Variants in DOCK9 observed in about 807,000 individuals in gnomAD.
The protein encoded by DOCK9 is dedicator of cytokinesis 9.
DOCK9 carries 89 observed loss-of-function variants against 263.3 expected under a neutral mutation model. That is an observed-to-expected ratio of 0.34 (90% CI 0.28 to 0.40). The LOEUF (loss-of-function observed/expected upper bound fraction) is 0.40. Ranked by LOEUF, DOCK9 falls within the 10% of genes least tolerant of loss-of-function variation. The pLI is 1.00. For synonymous variants in DOCK9, 976 were observed against 973.1 expected (o/e 1.00, Z -0.06); for missense variants, 2,140 against 2,603.4 (o/e 0.82, Z 3.87).
rs1171003270 is a variant in DOCK9, at chr13:98,831,645, T to C, written c.4452+4A>G. On this transcript the variant is annotated splice_donor_region_variant and intron_variant, in intron 40 of 52. Coordinates refer to ENST00000682017, the MANE Select transcript of DOCK9 (RefSeq NM_001366683.2). ...ATCTAACCACTGCCCATGAAGCAAC[T>C]TACCTTATAAATTAAGGACCTTAAG... 1 of 1,612,158 alleles carries C rather than the reference T, an allele frequency of 6.2e-7. No homozygotes were observed. The highest frequency in any genetic ancestry group is 1.3e-5 in the African/African-American group (1 of 74,820).
chr13:98,872,518 C>T (rs2094214524), intron 27 of DOCK9, among the ~76,000 whole-genome samples: 1 of 152,244 alleles, frequency 6.6e-6, no homozygotes, highest in South Asian at 2.1e-4. Flanking sequence ...GCAATCGTCT[C>T]ACCTCAGTCT....
At chr13:98,961,937 T>C (rs1192259939) in intron 1 of DOCK9, among the ~76,000 whole-genome samples, 2 of 152,208 alleles carry the variant, frequency 1.3e-5, no homozygotes, top group Non-Finnish European at 2.9e-5. Context: ...GTATGTAAGA[T>C]TAGTCATTGC....
chr13:98,900,562 T>G (rs1462582267), intron 13 of DOCK9, among the ~76,000 whole-genome samples: 2 of 152,202 alleles, frequency 1.3e-5, no homozygotes, highest in Non-Finnish European at 2.9e-5. Context: ...GGCTTTTACT[T>G]GACTGGGGCT....
intron 2 of DOCK9, among the ~76,000 whole-genome samples, chr13:98,934,092 G>A (rs1362312294): frequency 9.1e-5 from 13 of 143,308 alleles, no homozygotes; most frequent in South Asian, 6.2e-4. Flanking sequence ...AGATGGGGGC[G>A]GGGGGTCTCA....
chr13:99,076,360 T>C (rs1394181677), intron 1 of DOCK9, among the ~76,000 whole-genome samples: 2 of 152,334 alleles, frequency 1.3e-5, no homozygotes, highest in East Asian at 1.9e-4. Context: ...CTCTATGGAA[T>C]TGGTGAAAAC....
intron 23 of DOCK9, among the ~76,000 whole-genome samples, 195 bp from the exon 24 acceptor site, chr13:98,882,202 G>A (rs926505756): frequency 1.4e-4 from 21 of 152,112 alleles, no homozygotes; most frequent in African/African-American, 4.3e-4. Context: ...CCCAGGGGAG[G>A]TAAGGCTGCT....
At chr13:98,928,166 A>G (rs931219061) in intron 3 of DOCK9, among the ~76,000 whole-genome samples, 3 of 152,228 alleles carry the variant, frequency 2.0e-5, no homozygotes, top group Non-Finnish European at 2.9e-5. Context: ...CCCTCTGGGG[A>G]TGCAGAAAGT....
intron 1 of DOCK9, among the ~76,000 whole-genome samples, chr13:99,051,886 C>T (rs1005786374): frequency 3.0e-5 from 4 of 134,360 alleles, no homozygotes; most frequent in Non-Finnish European, 1.6e-5. Context: ...AATCAGAACT[C>T]ACAATCTGCT....
intron 32 of DOCK9, among the ~76,000 whole-genome samples, chr13:98,862,118 G>T (rs926017513): frequency 2.0e-5 from 3 of 152,078 alleles, no homozygotes; most frequent in Non-Finnish European, 4.4e-5. Flanking sequence ...GGTTCATCAC[G>T]AGAACATGGT....
At chr13:99,033,483 C>A (rs955858670) in intron 1 of DOCK9, among the ~76,000 whole-genome samples, 1 of 152,200 alleles carries the variant, frequency 6.6e-6, no homozygotes, top group Non-Finnish European at 1.5e-5. Context: ...GAACTAATGC[C>A]GTCAACAAAC....
At chr13:98,889,376 C>A (rs184874912) in intron 15 of DOCK9, among the ~76,000 whole-genome samples, 4 of 152,280 alleles carry the variant, frequency 2.6e-5, no homozygotes, top group South Asian at 4.1e-4. Flanking sequence ...CACCTGTTCT[C>A]CAAAAACCTA....
intron 1 of DOCK9, among the ~76,000 whole-genome samples, chr13:99,021,021 T>C (rs1166370383): frequency 2.0e-5 from 3 of 152,250 alleles, no homozygotes; most frequent in African/African-American, 7.2e-5. Context: ...AGTCCATATT[T>C]CATAAATCAA....
chr13:98,796,343 C>A, intron 52 of DOCK9: 3 of 757,568 alleles, frequency 4.0e-6, no homozygotes, highest in Non-Finnish European at 6.9e-6. Context: ...ACGGCCCTGG[C>A]TTCCACTGTG....
intron 1 of DOCK9, among the ~76,000 whole-genome samples, chr13:99,012,361 T>C (rs1884646636): frequency 6.6e-6 from 1 of 152,168 alleles, no homozygotes; most frequent in South Asian, 2.1e-4. Flanking sequence ...TTGGGACATC[T>C]AGGGTCTTCA....
chr13:98,902,025 A>T (rs1382642705), intron 12 of DOCK9, 125 bp from the exon 13 acceptor site: 3 of 1,225,106 alleles, frequency 2.4e-6, no homozygotes, highest in African/African-American at 1.5e-5. Flanking sequence ...GTGCCAAACT[A>T]GTTAGCTGAC....
At chr13:98,854,383 G>A (rs2093649390) in intron 34 of DOCK9, among the ~76,000 whole-genome samples, 1 of 151,260 alleles carries the variant, frequency 6.6e-6, no homozygotes, top group African/African-American at 2.4e-5. Context: ...GGTGCTGGTG[G>A]CCAATTGAAA....
chr13:98,800,595 A>G lies in DOCK9; in HGVS notation c.5726-117T>C. The G allele has an allele frequency of 4.8e-6, 6 of 1,240,964 alleles. No individual in the cohort carries two copies. In the Admixed American group the frequency reaches 1.6e-4, roughly 34 times the overall value. 76.9% of individuals were successfully genotyped at this position (1,240,964 alleles called of 1,614,324 possible). A position where few individuals can be genotyped will look rare whatever the true frequency, so the allele number is the denominator to read the frequency against. ...TCATTATTACTTACATTTTTAAAAT[A>G]AGGAACCCAAAGCTTGCCAAAGACA... On this transcript the variant is annotated intron_variant, in intron 49 of 52. Coordinates refer to ENST00000682017, the MANE Select transcript of DOCK9 (RefSeq NM_001366683.2).
chr13:98,961,501 C>T (rs1251081011), intron 1 of DOCK9, among the ~76,000 whole-genome samples: 2 of 152,188 alleles, frequency 1.3e-5, no homozygotes, highest in African/African-American at 4.8e-5. Context: ...TGCTCTAGCC[C>T]CAGGCAGGCA....
At chr13:98,956,135 G>A (rs948815368) in intron 1 of DOCK9, among the ~76,000 whole-genome samples, 1 of 152,236 alleles carries the variant, frequency 6.6e-6, no homozygotes, top group Admixed American at 6.5e-5. Flanking sequence ...ACAGCCAGGG[G>A]GGCAGGTACT....
Sources: gnomAD v4.1 joint callset for allele counts (sites outside exome capture counted in the v4.1 genomes callset) on GRCh38, gnomAD v4.1.1 for gene constraint, MANE v1.5 for transcripts, NCBI Gene and HGNC (gene_info 2026-07-23, HGNC 2026-07-21) for gene names.